AXDND1: variants seen among roughly 807,000 people sequenced by gnomAD.
The protein encoded by AXDND1 is axonemal dynein light chain domain-containing protein 1.
A neutral mutation model predicts 137.5 loss-of-function variants in AXDND1; 110 were observed. The observed-to-expected ratio is 0.80, with a 90% CI of 0.69 to 0.94. The LOEUF is 0.94. AXDND1 is among the 40% of genes least tolerant of loss of function. The pLI, the probability that AXDND1 is intolerant of heterozygous loss-of-function variation, is 0.00. For missense variants in AXDND1, 1,191 were observed against 1,169.8 expected (o/e 1.02, Z -0.26); for synonymous variants, 414 against 399.7 (o/e 1.04, Z -0.43).
chr1:179,417,752 T>A (rs1208812269), intron 12 of AXDND1, among the ~76,000 whole-genome samples: 1 of 152,094 alleles, frequency 6.6e-6, no homozygotes, highest in Non-Finnish European at 1.5e-5. Context: ...CTGTGAAGAA[T>A]GCCATTGGTA....
chr1:179,375,129 T>C (rs1668460734), intron 4 of AXDND1, among the ~76,000 whole-genome samples: 1 of 152,036 alleles, frequency 6.6e-6, no homozygotes, highest in South Asian at 2.1e-4. Context: ...GATGGAATCT[T>C]GCTCTGTCAT....
At chr1:179,503,908 G>A (rs1221439338) in intron 20 of AXDND1, among the ~76,000 whole-genome samples, 2 of 152,134 alleles carry the variant, frequency 1.3e-5, no homozygotes, top group East Asian at 1.9e-4. Context: ...CATAGATAAC[G>A]ACTGAAAGTA....
intron 4 of AXDND1, among the ~76,000 whole-genome samples, chr1:179,376,265 T>C (rs1647252978): frequency 6.6e-6 from 1 of 152,148 alleles, no homozygotes; most frequent in African/African-American, 2.4e-5. Flanking sequence ...GGGGGATTGG[T>C]TCCCAGACAC....
intron 18 of AXDND1, among the ~76,000 whole-genome samples, chr1:179,485,471 T>G (rs1332212684): frequency 6.6e-6 from 1 of 152,138 alleles, no homozygotes; most frequent in Non-Finnish European, 1.5e-5. Context: ...GCAGGTTGAC[T>G]GAACCCAACT....
intron 16 of AXDND1, among the ~76,000 whole-genome samples, chr1:179,467,092 C>CG (rs1663302488): frequency 2.6e-5 from 4 of 152,082 alleles, no homozygotes; most frequent in African/African-American, 9.7e-5. Context: ...CCCAAATTTC[C>CG]ATGAAAGATA....
chr1:179,492,773 TA>T, intron 19 of AXDND1, 81 bp from the exon 20 acceptor site: 1 of 904,714 alleles, frequency 1.1e-6, no homozygotes, highest in Non-Finnish European at 1.6e-6. Context: ...TTTAAACACT[TA>T]GAAGAAGAAC....
At chr1:179,486,139 A>AAAAAAAAAAAAAAAATAACT (rs149119239) in intron 18 of AXDND1, among the ~76,000 whole-genome samples, 1 of 87,770 alleles carries the variant, frequency 1.1e-5, no homozygotes, top group East Asian at 5.9e-4. Flanking sequence ...AAAAAAAAAA[A>AAAAAAAAAAAAAAAATAACT]AACCTGATAG....
chr1:179,395,784 C>T (rs529155892), intron 11 of AXDND1, among the ~76,000 whole-genome samples: 1 of 152,240 alleles, frequency 6.6e-6, no homozygotes, highest in South Asian at 2.1e-4. Context: ...ATAGTGAGTA[C>T]TCATTTACCT....
At chr1:179,419,644 A>AGGGGG (rs1558151291) in intron 12 of AXDND1, among the ~76,000 whole-genome samples, 2 of 73,058 alleles carry the variant, frequency 2.7e-5, no homozygotes, top group East Asian at 6.7e-4. Context: ...AGGGAGAGGG[A>AGGGGG]GAGGGGGAGG....
At chr1:179,422,469 T>C (rs991025478) in intron 12 of AXDND1, among the ~76,000 whole-genome samples, 6 of 152,228 alleles carry the variant, frequency 3.9e-5, no homozygotes, top group African/African-American at 1.2e-4. Flanking sequence ...TGATTTCAAG[T>C]TTTATTCCAT....
At position 179,411,281 on chromosome 1, in the gene AXDND1, A is replaced by T; in HGVS notation, c.1230+15A>T. The T allele has an allele frequency of 3.1e-6, 5 of 1,602,214 alleles. No individual in the cohort carries two copies. Among genetic ancestry groups the T allele is most frequent in the Non-Finnish European group, 4.2e-6 (5 of 1,177,240 alleles). On this transcript the variant is annotated intron_variant, in intron 12 of 25. Coordinates refer to ENST00000367618, the MANE Select transcript of AXDND1 (RefSeq NM_144696.6). The stretch of plus-strand genomic sequence containing the variant: ...TGGCCCTGAAGGTTAGTTCATCTGG[A>T]TTCACAACTCACACTTCTTTTTTGG...
chr1:179,374,627 A>G (rs1040746382), intron 4 of AXDND1, among the ~76,000 whole-genome samples: 68 of 152,336 alleles, frequency 4.5e-4, no homozygotes, highest in African/African-American at 1.5e-3. Context: ...CATATAAACC[A>G]TGGAATACTT....
chr1:179,413,111 CA>C (rs893642097), intron 12 of AXDND1, among the ~76,000 whole-genome samples: 4 of 151,334 alleles, frequency 2.6e-5, no homozygotes, highest in African/African-American at 7.3e-5. Flanking sequence ...AATTGATATA[CA>C]AAAAAAACAA....
chr1:179,383,290 A>AT (rs1648676722), intron 7 of AXDND1, 152 bp from the exon 8 acceptor site: 3 of 568,546 alleles, frequency 5.3e-6, no homozygotes, highest in Admixed American at 3.0e-5. Context: ...TTGATCTCCC[A>AT]ATAGATTAAT....
intron 20 of AXDND1, among the ~76,000 whole-genome samples, chr1:179,504,894 T>G (rs1668382675): frequency 6.6e-6 from 1 of 152,222 alleles, no homozygotes; most frequent in Non-Finnish European, 1.5e-5. Context: ...AAGGCCTTCT[T>G]CTGCTAAGAA....
At chr1:179,546,299 T>G (rs1672636771) in intron 25 of AXDND1, 1 of 116,900 alleles carries the variant, frequency 8.6e-6, no homozygotes, top group Non-Finnish European at 1.8e-5. Context: ...ACATAATGAG[T>G]GTTAGGTGGT....
chr1:179,540,384 G>A (rs1275551614), intron 25 of AXDND1, among the ~76,000 whole-genome samples: 1 of 152,104 alleles, frequency 6.6e-6, no homozygotes, highest in African/African-American at 2.4e-5. Context: ...TTTTGGTGTG[G>A]ATGTCCTTTT....
At chr1:179,475,280 C>A (rs1359924602) in intron 17 of AXDND1, among the ~76,000 whole-genome samples, 2 of 152,208 alleles carry the variant, frequency 1.3e-5, no homozygotes, top group Non-Finnish European at 2.9e-5. Context: ...GTCCTCCAGA[C>A]CTCAGAATAG....
At chr1:179,429,332 C>T (rs1384082589) in intron 12 of AXDND1, among the ~76,000 whole-genome samples, 186 bp from the exon 13 acceptor site, 2 of 152,086 alleles carry the variant, frequency 1.3e-5, no homozygotes, top group East Asian at 1.9e-4. Flanking sequence ...TTTTGCTATA[C>T]ACTATACTTC....
Sources: allele counts gnomAD v4.1 joint callset (sites outside exome capture counted in the v4.1 genomes callset), GRCh38; gene constraint gnomAD v4.1.1; transcripts MANE v1.5; gene names NCBI Gene and HGNC (gene_info 2026-07-23, HGNC 2026-07-21).